Variants in PLCZ1 observed in about 807,000 individuals in gnomAD.
PLCZ1 encodes the protein 1-phosphatidylinositol 4,5-bisphosphate phosphodiesterase zeta-1.
PLCZ1 carries 64 observed loss-of-function variants against 76.8 expected under a neutral mutation model. The observed-to-expected ratio is 0.83, with a 90% CI of 0.68 to 1.03. The LOEUF is 1.03. PLCZ1 is among the 50% of genes least tolerant of loss of function. The pLI, the probability that PLCZ1 is intolerant of heterozygous loss-of-function variation, is 0.00. For missense variants in PLCZ1, 751 were observed against 713.7 expected, an observed-to-expected ratio of 1.05 and a Z score of -0.60; for synonymous variants, 248 against 230.8, an observed-to-expected ratio of 1.07 and a Z score of -0.68.
chr12:18,734,758 T>C (rs546467323), intron 3 of PLCZ1, among the ~76,000 whole-genome samples: 3 of 152,334 alleles, frequency 2.0e-5, no homozygotes, highest in East Asian at 3.9e-4. Context: ...TTGCCTTTTA[T>C]TTTCATTTCT....
intron 3 of PLCZ1, among the ~76,000 whole-genome samples, chr12:18,727,427 G>A (rs1388575919): frequency 6.6e-6 from 1 of 152,088 alleles, no homozygotes; most frequent in East Asian, 1.9e-4. Context: ...ATTCTTCCTG[G>A]AGGGTCAAAG....
chr12:18,692,541 T>G (rs1954279902), intron 12 of PLCZ1, among the ~76,000 whole-genome samples: 1 of 152,030 alleles, frequency 6.6e-6, no homozygotes, highest in Non-Finnish European at 1.5e-5. Flanking sequence ...AAATAAAAGC[T>G]AAAATAATAA....
chr12:18,683,484 A>T lies in PLCZ1; in HGVS notation c.1742-160T>A. The T allele has an allele frequency of 2.0e-6, 3 of 1,480,996 alleles. No homozygotes were observed. The South Asian group carries it at 3.7e-5, about 18-fold the overall frequency. The allele number at this position is 1,480,996 out of a possible 1,614,324, so 91.7% of individuals were successfully genotyped here. ...GTATATTAATCTTCCACAAAAATTA[A>T]ATATTTGCATTTTCTATTCTGACTT... On this transcript the variant is annotated intron_variant, in intron 14 of 14. Coordinates refer to ENST00000266505, the MANE Select transcript of PLCZ1 (RefSeq NM_033123.4).
At chr12:18,698,018 A>G (rs1396776751) in intron 10 of PLCZ1, among the ~76,000 whole-genome samples, 1 of 151,820 alleles carries the variant, frequency 6.6e-6, no homozygotes, top group African/African-American at 2.4e-5. Flanking sequence ...GAGTAATACA[A>G]TTATAATTAA....
chr12:18,735,968 A>G, intron 3 of PLCZ1: 1 of 352,322 alleles, frequency 2.8e-6, no homozygotes, highest in Admixed American at 4.5e-5. Flanking sequence ...ATAATTAGAC[A>G]TCCAATCCTA....
chr12:18,699,796 C>A lies in PLCZ1; in HGVS notation c.1172G>T (p.Arg391Leu). 6.2e-7 allele frequency: 1 copy of A among 1,612,998 alleles called. No individual in the cohort carries two copies. The highest frequency in any genetic ancestry group is 8.5e-7 in the Non-Finnish European group (1 of 1,179,338). The change falls in exon 10 of 15, where the codon CGA (arginine) becomes CTA (leucine). Residue 391 changes from arginine to leucine, a missense_variant and splice_region_variant. Physicochemically the swap from Arg to Leu is moderately radical, Grantham distance 102. Coordinates refer to ENST00000266505, the MANE Select transcript of PLCZ1 (RefSeq NM_033123.4). The part of the protein sequence containing the change: ...ETQARKLSKL[R>L]VHEFIFHTRK... ...CTATTTGAGTCACAAAAATTTACCT[C>A]GCAATTTTGAAAGTTTTCGGGCTTG...
chr12:18,702,968 A>G (rs1001645501), intron 7 of PLCZ1, among the ~76,000 whole-genome samples: 1 of 151,718 alleles, frequency 6.6e-6, no homozygotes, highest in Non-Finnish European at 1.5e-5. Context: ...TTACAGGGTA[A>G]CTTTAATTCT....
chr12:18,727,087 T>G (rs147753449), intron 3 of PLCZ1, among the ~76,000 whole-genome samples: 2 of 152,220 alleles, frequency 1.3e-5, no homozygotes, highest in Non-Finnish European at 2.9e-5. Flanking sequence ...GGCTCATGCC[T>G]GCAATCCCCA....
rs191762578 is a variant in PLCZ1 at position 18,685,238 on chromosome 12, T to C, written c.1592-959A>G. ...AAAGTCCAAAGTTGATGAATTTCAA[T>C]CTCTAAGAAAATAAATCATCCCAAG... On this transcript the variant is annotated intron_variant, in intron 13 of 14. Transcript: ENST00000266505. 5.7e-3 allele frequency among the ~76,000 whole-genome samples: 869 copies of C among 152,086 alleles called. 10 individuals are homozygous for C. Among genetic ancestry groups the C allele is most frequent in the Middle Eastern group, 6.8e-3 (2 of 294 alleles).
intron 13 of PLCZ1, among the ~76,000 whole-genome samples, chr12:18,687,420 AGG>A: frequency 6.6e-6 from 1 of 152,164 alleles, no homozygotes; most frequent in African/African-American, 2.4e-5. Context: ...GTCTCCTTCA[AGG>A]TGATCCTGAC....
In PLCZ1 at chr12:18,684,919, C is replaced by T. The variant is rs114208820; in HGVS notation, c.1592-640G>A. Among the ~76,000 whole-genome samples the T allele has an allele frequency of 9.9e-3, 1,498 of 152,018 alleles. 17 individuals are homozygous for T. Among genetic ancestry groups the T allele is most frequent in the African/African-American group, 0.035 (1,439 of 41,508 alleles). ...GTTTTATAAGGCAGTTTTCCCCACT[C>T]TTACTAGCAATCTCCTGCTGCCACA... is the stretch of plus-strand genomic sequence containing the variant. On this transcript the variant is annotated intron_variant, in intron 13 of 14. Coordinates refer to ENST00000266505, the MANE Select transcript of PLCZ1 (RefSeq NM_033123.4).
Position 18,693,144 on chromosome 12 carries a change from G to C in PLCZ1, c.1461+1766C>G, listed in dbSNP as rs576802220. 3 of 1,516,254 alleles carry C rather than the reference G, an allele frequency of 2.0e-6. No individual in the cohort carries two copies. In the African/African-American group the frequency reaches 4.1e-5, roughly 21 times the overall value. 93.9% of individuals were successfully genotyped at this position (1,516,254 alleles called of 1,614,324 possible). A position where few individuals can be genotyped will look rare whatever the true frequency, so the allele number is the denominator to read the frequency against. On this transcript the variant is annotated intron_variant, in intron 12 of 14. Coordinates refer to ENST00000266505, the MANE Select transcript of PLCZ1 (RefSeq NM_033123.4). ...GATCATTGATGACAATCATGCCATC[G>C]TGTCTACATCTGTGGGCTCAGAACA...
chr12:18,695,194 A>C, intron 11 of PLCZ1, 115 bp from the exon 12 acceptor site: 1 of 1,036,422 alleles, frequency 9.6e-7, no homozygotes, highest in Non-Finnish European at 1.5e-6. Context: ...TTCTATGAGC[A>C]AGTATCATTA....
At chr12:18,713,027 A>C in intron 5 of PLCZ1, 41 bp from the exon 6 acceptor site, 1 of 1,609,156 alleles carries the variant, frequency 6.2e-7, no homozygotes, top group South Asian at 1.1e-5. Flanking sequence ...CTCCTGGACC[A>C]TTAAAAATAT....
At chr12:18,708,062 G>A (rs1005663535) in intron 6 of PLCZ1, among the ~76,000 whole-genome samples, 2 of 152,170 alleles carry the variant, frequency 1.3e-5, no homozygotes, top group African/African-American at 2.4e-5. Flanking sequence ...ACCATATACA[G>A]TATAACTTTA....
At chr12:18,665,004 T>C in the PLCZ1 span, among the ~76,000 whole-genome samples, 1 of 95,676 alleles carries the variant, frequency 1.0e-5, no homozygotes, top group Non-Finnish European at 1.9e-5. Context: ...CTGGGGACTG[T>C]TGTGGGGTGG....
At chr12:18,685,986 C>T (rs977878430) in intron 13 of PLCZ1, among the ~76,000 whole-genome samples, 3 of 151,846 alleles carry the variant, frequency 2.0e-5, no homozygotes, top group African/African-American at 7.3e-5. Flanking sequence ...CTAGACATGA[C>T]CAAAACTGAA....
chr12:18,698,684 C>A (rs1248077051), intron 10 of PLCZ1, among the ~76,000 whole-genome samples: 2 of 152,000 alleles, frequency 1.3e-5, no homozygotes, highest in African/African-American at 4.8e-5. Flanking sequence ...TTATGGAGTA[C>A]ACGAGATATT....
At chr12:18,651,078 TC>T in the PLCZ1 span, among the ~76,000 whole-genome samples, 2 of 151,958 alleles carry the variant, frequency 1.3e-5, no homozygotes, top group African/African-American at 4.8e-5. Context: ...TGATCTGACC[TC>T]CCATCCTCAT....
Sources: allele counts gnomAD v4.1 joint callset (sites outside exome capture counted in the v4.1 genomes callset), GRCh38; gene constraint gnomAD v4.1.1; transcripts MANE v1.5; gene names NCBI Gene and HGNC (gene_info 2026-07-23, HGNC 2026-07-21).